ZSCAN4: variants seen among roughly 807,000 people sequenced by gnomAD.
ZSCAN4 encodes the protein zinc finger and SCAN domain-containing protein 4.
A neutral mutation model predicts 18.3 loss-of-function variants in ZSCAN4; 18 were observed. That is an observed-to-expected ratio of 0.98 (90% CI 0.68 to 1.46). ZSCAN4 has a LOEUF of 1.46. Ranked by LOEUF, ZSCAN4 falls within the 40% of genes most tolerant of loss-of-function variation. The pLI, the probability that ZSCAN4 is intolerant of heterozygous loss-of-function variation, is 0.00. For synonymous variants in ZSCAN4, 193 were observed against 180.3 expected, an observed-to-expected ratio of 1.07 and a Z score of -0.57; for missense variants, 498 against 511.4, an observed-to-expected ratio of 0.97 and a Z score of 0.25.
chr19:57,671,675 G>GA (rs1187388113), intron 2 of ZSCAN4, among the ~76,000 whole-genome samples: 1 of 152,160 alleles, frequency 6.6e-6, no homozygotes, highest in East Asian at 1.9e-4. Flanking sequence ...AGTGGGGTAT[G>GA]ATGTGAGCAG....
exon 5 of ZSCAN4, chr19:57,678,485 A>G (rs1192881115): frequency 6.2e-7 from 1 of 1,614,164 alleles, no homozygotes; most frequent in Non-Finnish European, 8.5e-7. Flanking sequence ...GCAATGAGGG[A>G]AATTCCACAT....
At chr19:57,673,309 G>T (rs146171375) in intron 2 of ZSCAN4, among the ~76,000 whole-genome samples, 1 of 152,038 alleles carries the variant, frequency 6.6e-6, no homozygotes, top group African/African-American at 2.4e-5. Context: ...TTACAGGCGC[G>T]AGTCACCGTG....
At chr19:57,662,395 G>A in the ZSCAN4 span, among the ~76,000 whole-genome samples, 1 of 151,572 alleles carries the variant, frequency 6.6e-6, no homozygotes, top group South Asian at 2.1e-4. Context: ...TACATTCTAT[G>A]TATTTAAATA....
At chr19:57,678,114 TC>T in intron 4 of ZSCAN4, 35 bp downstream of exon 4, 1 of 1,593,256 alleles carries the variant, frequency 6.3e-7, no homozygotes, top group Non-Finnish European at 8.5e-7. Flanking sequence ...TGAGGAGTGT[TC>T]TATGTGGACC....
At chr19:57,669,359 T>TGAGTCAGA (rs1983948125) in intron 1 of ZSCAN4, among the ~76,000 whole-genome samples, 156 bp downstream of exon 1, 1 of 151,656 alleles carries the variant, frequency 6.6e-6, no homozygotes, top group Non-Finnish European at 1.5e-5. Context: ...ACACCCAGCC[T>TGAGTCAGA]GTCTTTATAT....
chr19:57,653,839 G>A, the ZSCAN4 span, among the ~76,000 whole-genome samples: 5 of 152,098 alleles, frequency 3.3e-5, no homozygotes, highest in South Asian at 4.1e-4. Context: ...CCCATCTGTG[G>A]TATCAAGGGA....
At chr19:57,673,529 C>T (rs1325609499) in intron 2 of ZSCAN4, among the ~76,000 whole-genome samples, 2 of 151,966 alleles carry the variant, frequency 1.3e-5, no homozygotes, top group Admixed American at 6.6e-5. Flanking sequence ...CTACTCAAGA[C>T]GCTAAGGCAG....
chr19:57,679,091 G>A, exon 5 of ZSCAN4: 2 of 533,300 alleles, frequency 3.8e-6, no homozygotes, highest in Non-Finnish European at 5.7e-6. Context: ...ATTCCAAGTG[G>A]TTGGGAAAGT....
In ZSCAN4 at chr19:57,677,911, C is replaced by A; in HGVS notation, c.397-3C>A. 6.6e-7 allele frequency: 1 copy of A among 1,524,582 alleles called. No individual in the cohort carries two copies. Among genetic ancestry groups the A allele is most frequent in the Admixed American group, 2.3e-5 (1 of 43,502 alleles). The allele number at this position is 1,524,582 out of a possible 1,614,324, so 94.4% of individuals were successfully genotyped here. On this transcript the variant is annotated splice_region_variant and splice_polypyrimidine_tract_variant and intron_variant, in intron 3 of 4. Transcript: ENST00000318203. ...TACAACAGTGATCTGGCTTTCTTTA[C>A]AGGTCCACGTCCACATGCAGGGACA... is the stretch of plus-strand genomic sequence containing the variant.
At chr19:57,676,313 A>G (rs201432267) in exon 3 of ZSCAN4, 1 of 1,614,220 alleles carries the variant, frequency 6.2e-7, no homozygotes, top group Non-Finnish European at 8.5e-7. Flanking sequence ...GCAATAATTC[A>G]TATGCAAGGC....
upstream of ZSCAN4, among the ~76,000 whole-genome samples, chr19:57,668,440 G>T (rs902656519): frequency 6.6e-6 from 1 of 152,064 alleles, no homozygotes; most frequent in African/African-American, 2.4e-5. Context: ...TCCTAATGTG[G>T]GGAAGTCAAG....
chr19:57,675,306 C>A (rs951230956), intron 2 of ZSCAN4, among the ~76,000 whole-genome samples: 1 of 151,932 alleles, frequency 6.6e-6, no homozygotes, highest in African/African-American at 2.4e-5. Flanking sequence ...TGCCATCATG[C>A]CTGGCTGATT....
chr19:57,676,688 A>C, intron 3 of ZSCAN4, 147 bp downstream of exon 3: 1 of 966,336 alleles, frequency 1.0e-6, no homozygotes, highest in Non-Finnish European at 1.5e-6. Flanking sequence ...CTCACAAAGA[A>C]TAATCTTCAA....
At chr19:57,677,467 T>G (rs923803876) in intron 3 of ZSCAN4, among the ~76,000 whole-genome samples, 1 of 152,102 alleles carries the variant, frequency 6.6e-6, no homozygotes, top group Admixed American at 6.5e-5. Context: ...AAAGTGACAC[T>G]GAAGTAAAAT....
At chr19:57,676,422 A>G (rs1470511261) in exon 3 of ZSCAN4, 2 of 1,614,110 alleles carry the variant, frequency 1.2e-6, no homozygotes, top group African/African-American at 2.7e-5. Context: ...GGAGCAGTTT[A>G]TGATTGGTGG....
chr19:57,666,920 A>ATTATT (rs1210321523), upstream of ZSCAN4, among the ~76,000 whole-genome samples: 4 of 129,052 alleles, frequency 3.1e-5, no homozygotes, highest in East Asian at 2.2e-4. Flanking sequence ...TTATTATTCT[A>ATTATT]ATTGAAATCA....
exon 5 of ZSCAN4, chr19:57,678,307 T>A: frequency 6.2e-7 from 1 of 1,614,080 alleles, no homozygotes; most frequent in South Asian, 1.1e-5. Flanking sequence ...GAGGGAGGTG[T>A]TTCTTCTGAC....
the ZSCAN4 span, among the ~76,000 whole-genome samples, chr19:57,660,290 A>T: frequency 6.6e-6 from 1 of 152,162 alleles, no homozygotes; most frequent in African/African-American, 2.4e-5. Flanking sequence ...AGACACACAT[A>T]GCATCCTGTC....
upstream of ZSCAN4, chr19:57,668,916 T>C (rs1367905350): frequency 6.6e-6 from 1 of 152,142 alleles, no homozygotes; most frequent in Non-Finnish European, 1.5e-5. Context: ...GTCACAGCAT[T>C]AGCCTTGCCC....
Sources: allele counts gnomAD v4.1 joint callset (sites outside exome capture counted in the v4.1 genomes callset), GRCh38; gene constraint gnomAD v4.1.1; transcripts MANE v1.5; gene names NCBI Gene and HGNC (gene_info 2026-07-23, HGNC 2026-07-21).